The following DUOX2 variants were observed in gnomAD, a reference collection of about 807,000 sequenced individuals.
DUOX2 encodes the protein dual oxidase 2.
DUOX2 carries 185 observed loss-of-function variants against 183.3 expected under a neutral mutation model. The observed-to-expected ratio is 1.01, with a 90% confidence interval of 0.90 to 1.14. DUOX2 has a LOEUF of 1.14. Ranked by LOEUF, DUOX2 falls within the 50% of genes most tolerant of loss-of-function variation. The probability of loss-of-function intolerance (pLI) is 0.00; values close to 1 mark genes in which losing one functional copy is unlikely to be tolerated. For synonymous variants in DUOX2, 788 were observed against 812.4 expected (o/e 0.97, Z 0.51); for missense variants, 1,999 against 2,022.9 (o/e 0.99, Z 0.23).
chr15:45,112,852 G>C, intron 3 of DUOX2, 134 bp from the exon 4 acceptor site: 1 of 1,542,398 alleles, frequency 6.5e-7, no homozygotes, highest in Non-Finnish European at 8.9e-7. Flanking sequence ...TTGGCCCCGG[G>C]AGCGCATAAG....
rs892132222 is a variant in DUOX2 at position 45,113,047 on chromosome 15, C to T, written c.100G>A (p.Glu34Lys). Residue 34 changes from glutamate to lysine, a missense_variant, in exon 3 of 34, where the codon GAA becomes AAA. Around this residue, in one of 3 missense-constraint regions of DUOX2, gnomAD observed 356 missense variants for 356.4 expected, o/e 1.00. Transcript: ENST00000389039. ...GSQDALSLPW[E>K]VQRYDGWFNN... ...AACCAGCCGTCATAGCGCTGCACTTCCCAGGGCAGTGAGAGTGCGTCCTGA... is the reference window on the plus strand; with the variant it reads ...AACCAGCCGTCATAGCGCTGCACTTTCCAGGGCAGTGAGAGTGCGTCCTGA... 1.1e-5 allele frequency: 17 copies of T among 1,613,950 alleles called. No individual in the cohort carries two copies. The highest frequency in any genetic ancestry group is 1.3e-5 in the Non-Finnish European group (15 of 1,180,034).
Position 45,109,978 on chromosome 15 carries a change from T to C in DUOX2, c.1043A>G (p.Asn348Ser). 3 of 1,614,040 alleles carry C rather than the reference T, an allele frequency of 1.9e-6. No individual in the cohort carries two copies. Among genetic ancestry groups the C allele is most frequent in the Non-Finnish European group, 2.5e-6 (3 of 1,179,978 alleles). The change falls in exon 10 of 34, where the codon AAT (asparagine) becomes AGT (serine). Residue 348 changes from asparagine to serine, a missense_variant and splice_region_variant. Around this residue, in one of 3 missense-constraint regions of DUOX2, gnomAD observed 1,628 missense variants for 1,608.6 expected, o/e 1.01. Transcript: ENST00000389039. ...GACCTTCCGGAAATGACAGCTGGCA[T>C]TTCTGAAATTGAGAACAAAGGATGT... ...TMVPPGVYMR[N>S]ASCHFRKVLN...
rs1894418624 is a variant in DUOX2, at chr15:45,111,709, G to A, written c.513+59C>T. 3 of 1,471,658 alleles carry A rather than the reference G, an allele frequency of 2.0e-6. No homozygotes were observed. The East Asian group carries it at 7.6e-5, about 37-fold the overall frequency. 91.2% of individuals were successfully genotyped at this position (1,471,658 alleles called of 1,614,324 possible). A position where few individuals can be genotyped will look rare whatever the true frequency, so the allele number is the denominator to read the frequency against. ...CTCCCCTCCAGGCCCTGCCAGGCCC[G>A]AAGCCCAGGCCCCACCTGGCTGGGG... On this transcript the variant is annotated intron_variant, in intron 5 of 33. Transcript: ENST00000389039.
In DUOX2 at chr15:45,110,656, A is replaced by G. The variant is rs768864625; in HGVS notation, c.937T>C (p.Tyr313His). ...PSFLQKTLPE[Y>H]TGYRPFLDPS... ...TCCTTCCCCGCTCCCTCACCTGTAT[A>G]CTCCGGGAGTGTTTTCTGCAGGAAG... Residue 313 changes from tyrosine (Y) to histidine (H), a missense_variant, in exon 8 of 34, where the codon TAT (tyrosine) becomes CAT (histidine). This residue lies in a region of DUOX2 where 1,628 missense variants were observed against 1,608.6 expected (regional missense o/e 1.01). Transcript: ENST00000389039. The G allele has an allele frequency of 1.9e-6, 3 of 1,612,706 alleles. No individual in the cohort carries two copies. Among genetic ancestry groups the G allele is most frequent in the Non-Finnish European group, 2.5e-6 (3 of 1,179,942 alleles).
intron 12 of DUOX2, chr15:45,108,456 C>G: frequency 1.6e-6 from 1 of 606,698 alleles, no homozygotes; most frequent in South Asian, 2.0e-5. Context: ...GTGACCATCA[C>G]CAGCCTGCCT....
intron 21 of DUOX2, 148 bp downstream of exon 21, chr15:45,101,645 A>G: frequency 2.0e-6 from 2 of 1,008,080 alleles, no homozygotes; most frequent in African/African-American, 1.6e-5. Flanking sequence ...TTGCACACCT[A>G]CATGTGCCAT....
intron 32 of DUOX2, 102 bp from the exon 33 acceptor site, chr15:45,094,793 G>C (rs1212398938): frequency 2.1e-5 from 34 of 1,595,774 alleles, no homozygotes; most frequent in Non-Finnish European, 2.8e-5. Context: ...AGGGGAGGGA[G>C]CTGGAGGCTG....
chr15:45,113,373 T>C lies in DUOX2; in HGVS notation c.39A>G (p.Gly13=). 1.3e-6 allele frequency: 2 copies of C among 1,567,154 alleles called. No homozygotes were observed. The highest frequency in any genetic ancestry group is 1.7e-6 in the Non-Finnish European group (2 of 1,154,588). Residue 13 remains glycine, a synonymous_variant, in exon 2 of 34, where the codon GGA becomes GGG. Transcript: ENST00000389039. ...GACCCAGGGATCCAGTCAGAAGAGC[T>C]CCCAGGAGCATCAGTGCCTCTGGTC... ...RARPEALMLL[G]ALLTGSLGPS... is the part of the protein sequence containing the mutation.
intron 32 of DUOX2, 43 bp downstream of exon 32, chr15:45,094,893 C>T (rs748916308): frequency 6.2e-7 from 1 of 1,612,100 alleles, no homozygotes; most frequent in South Asian, 1.1e-5. Flanking sequence ...GCTGCCAATC[C>T]ATCTGCCCGC....
chr15:45,104,068 G>C lies in DUOX2; in HGVS notation c.2561-15C>G, dbSNP rs754924613. 3.1e-6 allele frequency: 5 copies of C among 1,613,992 alleles called. No homozygotes were observed. The East Asian group carries it at 1.1e-4, about 36-fold the overall frequency. On this transcript the variant is annotated splice_polypyrimidine_tract_variant and intron_variant, in intron 19 of 33. Transcript: ENST00000389039. ...CTCTGGGGAGCCTGGGAAGAAAAAAGGGAATGCAGGTCATCTCCTTGCTGA... is the reference window on the plus strand; with the variant it reads ...CTCTGGGGAGCCTGGGAAGAAAAAACGGAATGCAGGTCATCTCCTTGCTGA...
rs993222421 is a variant in DUOX2, at chr15:45,108,037, C to A, written c.1574+10G>T. On this transcript the variant is annotated intron_variant, in intron 13 of 33. Coordinates refer to ENST00000389039, the MANE Select transcript of DUOX2 (RefSeq NM_001363711.2). ...GAGCAGTCTGAGGTGGGGGCCCAGG[C>A]AAGCCTTACCCATTCCTGGTGTTCT... The A allele has an allele frequency of 6.2e-7, 1 of 1,613,700 alleles. No individual in the cohort carries two copies. Among genetic ancestry groups the A allele is most frequent in the African/African-American group, 1.3e-5 (1 of 74,846 alleles).
chr15:45,109,273 A>G (rs1894314019), intron 11 of DUOX2: 5 of 601,140 alleles, frequency 8.3e-6, no homozygotes, highest in Admixed American at 5.9e-5. Flanking sequence ...TTAAGCACCA[A>G]AGAGATTGTG....
At position 45,108,794 on chromosome 15, in the gene DUOX2, G is replaced by A. The variant is rs774177514; in HGVS notation, c.1393C>T (p.Pro465Ser). The A allele has an allele frequency of 6.8e-6, 11 of 1,614,188 alleles. No homozygotes were observed. The South Asian group carries it at 1.1e-4, about 16-fold the overall frequency. Residue 465 changes from proline to serine, a missense_variant, in exon 12 of 34, where the codon CCC becomes TCC. Around this residue, in one of 3 missense-constraint regions of DUOX2, gnomAD observed 1,628 missense variants for 1,608.6 expected, o/e 1.01. Transcript: ENST00000389039. ...NWSDLNPNVD[P>S]QVLEATAALY... ...TTATCATTACTATTCCTGACCTGGG[G>A]GTCCACATTAGGGTTGAGATCACTC...
rs151261408 is a variant in DUOX2 at position 45,110,685 on chromosome 15, G to A, written c.908C>T (p.Pro303Leu). 6.2e-7 allele frequency: 1 copy of A among 1,612,434 alleles called. No individual in the cohort carries two copies. The highest frequency in any genetic ancestry group is 1.1e-5 in the South Asian group (1 of 91,008). The part of the protein sequence containing the change: ...YQNIAVYEWL[P>L]SFLQKTLPEY... The stretch of plus-strand genomic sequence containing the variant: ...CGGGAGTGTTTTCTGCAGGAAGCTG[G>A]GCAGCCACTCATACACAGCGATGTT... Residue 303 changes from proline to leucine, a missense_variant, in exon 8 of 34, where the codon CCC becomes CTC. By Grantham distance (98) the Pro-to-Leu change is moderately conservative. Around this residue, in one of 3 missense-constraint regions of DUOX2, gnomAD observed 1,628 missense variants for 1,608.6 expected, o/e 1.01. Coordinates refer to ENST00000389039, the MANE Select transcript of DUOX2 (RefSeq NM_001363711.2).
At position 45,093,578 on chromosome 15, in the gene DUOX2, C is replaced by T. The variant is rs1462353294; in HGVS notation, c.*572G>A. On this transcript the variant is annotated 3_prime_UTR_variant, in exon 34 of 34. Transcript: ENST00000389039. ...GCAGTCGGGCTGTCCAGGTTCTAAG[C>T]ATCACAGCTTCTGCACTGGGCTCTG... The T allele has an allele frequency of 2.5e-5, 4 of 158,118 alleles. No individual in the cohort carries two copies. The highest frequency in any genetic ancestry group is 5.6e-5 in the Non-Finnish European group (4 of 71,472). The allele number at this position is 158,118 out of a possible 1,614,324, so 9.8% of individuals were successfully genotyped here. A position where few individuals can be genotyped will look rare whatever the true frequency, so the allele number is the denominator to read the frequency against.
At position 45,103,941 on chromosome 15, in the gene DUOX2, A is replaced by C. The variant is rs1330829215; in HGVS notation, c.2654+19T>G. ...AAACACACCAGGAAGTCTCAGGATT[A>C]GAAAGGCACACCCCATACCGCATCA... On this transcript the variant is annotated intron_variant, in intron 20 of 33. Transcript: ENST00000389039. 3.1e-6 allele frequency: 5 copies of C among 1,613,772 alleles called. No homozygotes were observed. The highest frequency in any genetic ancestry group is 4.2e-6 in the Non-Finnish European group (5 of 1,179,694).
At chr15:45,110,395 T>A (rs2141156035) in intron 9 of DUOX2, 33 bp downstream of exon 9, 1 of 1,584,998 alleles carries the variant, frequency 6.3e-7, no homozygotes, top group Non-Finnish European at 8.6e-7. Flanking sequence ...CCTTTCTTAG[T>A]GTGGTGCCCC....
intron 2 of DUOX2, 59 bp from the exon 3 acceptor site, chr15:45,113,135 A>T (rs1278171132): frequency 6.4e-7 from 1 of 1,565,098 alleles, no homozygotes; most frequent in Non-Finnish European, 8.7e-7. Context: ...CTCCCGAGCA[A>T]CGAAGGCCTT....
In DUOX2 at chr15:45,106,347, G is replaced by A. The variant is rs1308572667; in HGVS notation, c.1946-20C>T. On this transcript the variant is annotated intron_variant, in intron 16 of 33. Transcript: ENST00000389039. ...CCATCGCTGGGGAAGGGATAATTGG[G>A]CCGGGTAGTTCAGCAGATGTCCCCA... The A allele has an allele frequency of 1.2e-6, 2 of 1,613,302 alleles. No individual in the cohort carries two copies. Among genetic ancestry groups the A allele is most frequent in the African/African-American group, 2.7e-5 (2 of 75,034 alleles).
Sources: gnomAD v4.1 joint callset for allele counts on GRCh38, gnomAD v4.1.1 for gene constraint, gnomAD v4.1.1 regional missense constraint, MANE v1.5 for transcripts, NCBI Gene and HGNC (gene_info 2026-07-23, HGNC 2026-07-21) for gene names.